Variants in ATP6V1C2 observed in about 807,000 individuals in gnomAD.
ATP6V1C2 encodes the protein ATPase H+ transporting V1 subunit C2.
In ATP6V1C2, 45 loss-of-function variants were observed where a neutral mutation model predicts 56.8. The observed-to-expected ratio is 0.79, with a 90% CI of 0.62 to 1.02. ATP6V1C2 has a LOEUF of 1.02. ATP6V1C2 is among the 50% of genes least tolerant of loss of function. ATP6V1C2 has a pLI of 0.00. For missense variants in ATP6V1C2, 463 were observed against 519.7 expected, an observed-to-expected ratio of 0.89 and a Z score of 1.06; for synonymous variants, 220 against 201.3, an observed-to-expected ratio of 1.09 and a Z score of -0.79.
At chr2:10,733,034 CAG>C (rs1558388487) in intron 3 of ATP6V1C2, among the ~76,000 whole-genome samples, 1 of 150,770 alleles carries the variant, frequency 6.6e-6, no homozygotes, top group Admixed American at 6.6e-5. Flanking sequence ...AATTGTGAAA[CAG>C]ATAGAACCTG....
chr2:10,750,851 G>T (rs1261661722), intron 3 of ATP6V1C2, among the ~76,000 whole-genome samples: 1 of 152,214 alleles, frequency 6.6e-6, no homozygotes, highest in Non-Finnish European at 1.5e-5. Context: ...CTCCGAAAGA[G>T]CAGGGACTTT....
intron 3 of ATP6V1C2, among the ~76,000 whole-genome samples, chr2:10,727,330 A>G (rs1456880784): frequency 1.3e-5 from 2 of 151,390 alleles, no homozygotes; most frequent in African/African-American, 2.4e-5. Context: ...TCGACCTCCC[A>G]AAGTGTTGGG....
At chr2:10,772,143 C>T (rs1337716535) in intron 7 of ATP6V1C2, among the ~76,000 whole-genome samples, 1 of 152,152 alleles carries the variant, frequency 6.6e-6, no homozygotes, top group African/African-American at 2.4e-5. Context: ...ATAGAAGCAG[C>T]CATTTATTGA....
chr2:10,730,677 A>T (rs1344388616), intron 3 of ATP6V1C2, among the ~76,000 whole-genome samples: 15 of 103,856 alleles, frequency 1.4e-4, no homozygotes, highest in Middle Eastern at 8.1e-3. Context: ...TTTGAGATGG[A>T]GTTTCACTCA....
rs371381969 is a variant in ATP6V1C2 at position 10,756,463 on chromosome 2, T to G, written c.283+2397T>G. 2.6e-5 allele frequency among the ~76,000 whole-genome samples: 4 copies of G among 152,246 alleles called. No homozygotes were observed. The South Asian group carries it at 8.3e-4, about 32-fold the overall frequency. ...TGCCGGGCGCAGTGGCTCACACCTG[T>G]AATCCCAGCACTTTGGGAGGCTGAG... On this transcript the variant is annotated intron_variant, in intron 4 of 13. Transcript: ENST00000272238.
chr2:10,722,407 T>A (rs1261049912), intron 1 of ATP6V1C2, among the ~76,000 whole-genome samples: 1 of 152,158 alleles, frequency 6.6e-6, no homozygotes, highest in Non-Finnish European at 1.5e-5. Context: ...TAGCCTGTTG[T>A]GAAAATCCCT....
intron 4 of ATP6V1C2, among the ~76,000 whole-genome samples, chr2:10,755,325 C>T (rs1208141386): frequency 3.3e-5 from 5 of 151,502 alleles, no homozygotes; most frequent in African/African-American, 4.8e-5. Context: ...CGTGAGCCAC[C>T]GTGCCTGGCC....
intron 2 of ATP6V1C2, among the ~76,000 whole-genome samples, chr2:10,724,197 G>A (rs1661515116): frequency 6.6e-6 from 1 of 152,194 alleles, no homozygotes; most frequent in Admixed American, 6.6e-5. Flanking sequence ...TGACTGCCCA[G>A]CATCTGCTCT....
At chr2:10,755,906 G>A (rs1176214054) in intron 4 of ATP6V1C2, among the ~76,000 whole-genome samples, 1 of 152,232 alleles carries the variant, frequency 6.6e-6, no homozygotes, top group Non-Finnish European at 1.5e-5. Context: ...TTCCAGTGAT[G>A]TTTTGGCCCA....
chr2:10,759,991 G>T (rs895253097), intron 4 of ATP6V1C2, among the ~76,000 whole-genome samples: 1 of 147,370 alleles, frequency 6.8e-6, no homozygotes, highest in Non-Finnish European at 1.5e-5. Flanking sequence ...GGCTTGTGGT[G>T]AAATCAGAAA....
chr2:10,733,827 C>G lies in ATP6V1C2; in HGVS notation c.197+7258C>G, dbSNP rs191091846. Among the ~76,000 whole-genome samples, 235 of 152,148 alleles carry G rather than the reference C, an allele frequency of 1.5e-3. 1 individual carries two copies. The highest frequency in any genetic ancestry group is 2.8e-3 in the Non-Finnish European group (191 of 67,972). On this transcript the variant is annotated intron_variant, in intron 3 of 13. Coordinates refer to ENST00000272238, the MANE Select transcript of ATP6V1C2 (RefSeq NM_001039362.2). Reference sequence around the variant, plus strand: ...GCTTGCCCCTAAGTGCTTCCCCTGTCGTTGCTTGCCCCTGAGTGCTTCCCC... The same window carrying G: ...GCTTGCCCCTAAGTGCTTCCCCTGTGGTTGCTTGCCCCTGAGTGCTTCCCC...
intron 4 of ATP6V1C2, among the ~76,000 whole-genome samples, chr2:10,756,165 C>T (rs1196448119): frequency 6.6e-6 from 1 of 151,862 alleles, no homozygotes; most frequent in South Asian, 2.1e-4. Context: ...AAAACCAGCC[C>T]AGCCAACATG....
At position 10,753,987 on chromosome 2, in the gene ATP6V1C2, A is replaced by C; in HGVS notation, c.204A>C (p.Ile68=). The C allele has an allele frequency of 6.2e-7, 1 of 1,604,750 alleles. No individual in the cohort carries two copies. Among genetic ancestry groups the C allele is most frequent in the Non-Finnish European group, 8.5e-7 (1 of 1,174,658 alleles). ...GKLDTFAESL[I]RRMAQSVVEV... Reference sequence around the variant, plus strand: ...TTTTCTTCTCTCTCCAAAGCCTCATAAGGAGAATGGCTCAGAGCGTGGTGG... The same window carrying C: ...TTTTCTTCTCTCTCCAAAGCCTCATCAGGAGAATGGCTCAGAGCGTGGTGG... Residue 68 remains isoleucine (I), a synonymous_variant, in exon 4 of 14, where the codon ATA becomes ATC. Transcript: ENST00000272238.
intron 1 of ATP6V1C2, 85 bp from the exon 2 acceptor site, chr2:10,722,739 G>T (rs1661434261): frequency 7.1e-7 from 1 of 1,399,344 alleles, no homozygotes; most frequent in Non-Finnish European, 9.8e-7. Flanking sequence ...GGATGAATTG[G>T]AGGGTAGGGA....
chr2:10,782,080 C>T (rs1359489305), intron 12 of ATP6V1C2, among the ~76,000 whole-genome samples, 163 bp from the exon 13 acceptor site: 2 of 151,524 alleles, frequency 1.3e-5, no homozygotes, highest in African/African-American at 4.8e-5. Context: ...CTTTTTCTAT[C>T]CAGAGATCAC....
chr2:10,723,888 A>C (rs1416603346), intron 2 of ATP6V1C2, among the ~76,000 whole-genome samples: 1 of 148,390 alleles, frequency 6.7e-6, no homozygotes, highest in Non-Finnish European at 1.5e-5. Flanking sequence ...TTTCCCCCCG[A>C]GTAGCTGGGA....
chr2:10,749,019 A>G (rs1663068771), intron 3 of ATP6V1C2, among the ~76,000 whole-genome samples: 1 of 151,686 alleles, frequency 6.6e-6, no homozygotes, highest in African/African-American at 2.4e-5. Flanking sequence ...AATCCCAGCT[A>G]CCAGGGAAGC....
Position 10,783,228 on chromosome 2 carries a change from G to A in ATP6V1C2, c.1249G>A (p.Val417Ile), listed in dbSNP as rs1434111719. Residue 417 changes from valine to isoleucine, a missense_variant, in exon 14 of 14, where the codon GTC becomes ATC. Val to Ile is a conservative substitution (Grantham distance 29). Transcript: ENST00000272238. ...CAATAACCAAGACTATTTTCCTTAT[G>A]TCTACTTCCATATTGACCTTAGTCT... is the stretch of plus-strand genomic sequence containing the variant. Reference protein sequence around the residue: ...QLNNQDYFPYVYFHIDLSLLD With the variant: ...QLNNQDYFPYIYFHIDLSLLD 2.0e-5 allele frequency: 32 copies of A among 1,613,716 alleles called. No individual in the cohort carries two copies. The highest frequency in any genetic ancestry group is 2.4e-5 in the Non-Finnish European group (28 of 1,179,760).
intron 8 of ATP6V1C2, among the ~76,000 whole-genome samples, chr2:10,774,479 A>G (rs1042101392): frequency 6.6e-6 from 1 of 152,236 alleles, no homozygotes; most frequent in African/African-American, 2.4e-5. Flanking sequence ...ACCCTGTGCC[A>G]GCTGTGGTGA....
Sources: allele counts gnomAD v4.1 joint callset (sites outside exome capture counted in the v4.1 genomes callset), GRCh38; gene constraint gnomAD v4.1.1; transcripts MANE v1.5; gene names NCBI Gene and HGNC (gene_info 2026-07-23, HGNC 2026-07-21).